The following ZNF892 variants were observed in gnomAD, a reference collection of about 807,000 sequenced individuals.
ZNF892 encodes zinc finger protein 892, also known as zinc finger protein 570-like.
chr2:95,221,932 C>G, the ZNF892 span, among the ~76,000 whole-genome samples: 7 of 152,264 alleles, frequency 4.6e-5, no homozygotes, highest in South Asian at 2.1e-4. Flanking sequence ...CTCCCTCCCT[C>G]TCTCTTCCTC....
chr2:95,231,758 AC>A, the ZNF892 span, among the ~76,000 whole-genome samples: 2 of 152,070 alleles, frequency 1.3e-5, no homozygotes, highest in Non-Finnish European at 2.9e-5. Context: ...CTTTGGTTTT[AC>A]TTTTTTTTAG....
chr2:95,238,112 A>G, the ZNF892 span, among the ~76,000 whole-genome samples: 7 of 152,270 alleles, frequency 4.6e-5, no homozygotes, highest in Non-Finnish European at 7.3e-5. Flanking sequence ...CAGATTTGCA[A>G]TGTAGACAAA....
chr2:95,207,200 C>G, the ZNF892 span, among the ~76,000 whole-genome samples: 5 of 152,220 alleles, frequency 3.3e-5, no homozygotes, highest in South Asian at 2.1e-4. Flanking sequence ...GCCTCCCCTC[C>G]GATGGAGCAC....
At chr2:95,235,663 A>C in the ZNF892 span, among the ~76,000 whole-genome samples, 1,872 of 152,304 alleles carry the variant, frequency 0.012, 126 homozygotes, top group Admixed American at 0.11. Context: ...GCCCGGCCCC[A>C]GTAAACTTTC....
At chr2:95,241,441 A>C in the ZNF892 span, among the ~76,000 whole-genome samples, 1 of 152,208 alleles carries the variant, frequency 6.6e-6, no homozygotes, top group Non-Finnish European at 1.5e-5. Flanking sequence ...AAACAAACAG[A>C]AAACAAAACA....
chr2:95,209,210 A>T, the ZNF892 span, among the ~76,000 whole-genome samples: 1 of 152,040 alleles, frequency 6.6e-6, no homozygotes, highest in African/African-American at 2.4e-5. Context: ...GGGTAGTTGG[A>T]GGGTAGAATA....
At chr2:95,254,435 T>C in the ZNF892 span, among the ~76,000 whole-genome samples, 1 of 152,206 alleles carries the variant, frequency 6.6e-6, no homozygotes, top group Non-Finnish European at 1.5e-5. Flanking sequence ...TGAAGCCCAC[T>C]TGATCATGGT....
chr2:95,226,806 G>T, the ZNF892 span, among the ~76,000 whole-genome samples: 110 of 151,996 alleles, frequency 7.2e-4, 1 homozygote, highest in African/African-American at 2.6e-3. Context: ...TTAGTGGTTA[G>T]ATGCATTTTC....
chr2:95,206,523 A>C, the ZNF892 span, among the ~76,000 whole-genome samples: 1 of 152,210 alleles, frequency 6.6e-6, no homozygotes, highest in Non-Finnish European at 1.5e-5. Context: ...AAAATCAAAA[A>C]ACAAATGGTT....
chr2:95,216,761 C>T, the ZNF892 span, among the ~76,000 whole-genome samples: 1 of 152,114 alleles, frequency 6.6e-6, no homozygotes, highest in Non-Finnish European at 1.5e-5. Flanking sequence ...CTTAGCTCTT[C>T]AATCTGTAGG....
the ZNF892 span, among the ~76,000 whole-genome samples, chr2:95,257,308 G>C: frequency 8.7e-4 from 133 of 152,200 alleles, no homozygotes; most frequent in Non-Finnish European, 1.1e-3. Context: ...CTCAGCTGCA[G>C]GTCTGTTGGA....
At chr2:95,207,135 T>G in the ZNF892 span, among the ~76,000 whole-genome samples, 1 of 152,188 alleles carries the variant, frequency 6.6e-6, no homozygotes, top group African/African-American at 2.4e-5. Context: ...ATCACCTCTG[T>G]GTTGGCCACG....
the ZNF892 span, among the ~76,000 whole-genome samples, chr2:95,209,500 G>A: frequency 3.0e-4 from 45 of 152,308 alleles, no homozygotes; most frequent in African/African-American, 1.1e-3. Context: ...TAGTAAAGAT[G>A]CTTCTGTAAG....
chr2:95,217,620 A>T, the ZNF892 span, among the ~76,000 whole-genome samples: 3 of 152,342 alleles, frequency 2.0e-5, no homozygotes, highest in Non-Finnish European at 4.4e-5. Context: ...CCCATTCCAC[A>T]GGGGGAGAAA....
chr2:95,252,989 C>A, the ZNF892 span, among the ~76,000 whole-genome samples: 1 of 152,102 alleles, frequency 6.6e-6, no homozygotes, highest in Admixed American at 6.6e-5. Context: ...GATATTAGCC[C>A]TTTGTCAGAT....
the ZNF892 span, among the ~76,000 whole-genome samples, chr2:95,234,505 C>T: frequency 3.9e-5 from 6 of 152,192 alleles, no homozygotes; most frequent in Non-Finnish European, 8.8e-5. Flanking sequence ...GCTTCCCACT[C>T]GGTCTGTTAG....
At chr2:95,233,000 A>T in the ZNF892 span, among the ~76,000 whole-genome samples, 1 of 152,130 alleles carries the variant, frequency 6.6e-6, no homozygotes, top group Non-Finnish European at 1.5e-5. Flanking sequence ...TTGCCTCATT[A>T]TGTGGGATGT....
At chr2:95,257,137 A>G in the ZNF892 span, among the ~76,000 whole-genome samples, 1 of 152,128 alleles carries the variant, frequency 6.6e-6, no homozygotes, top group African/African-American at 2.4e-5. Context: ...CCTTTGGAGG[A>G]GGAGAGGCGC....
chr2:95,217,800 G>A, the ZNF892 span, among the ~76,000 whole-genome samples: 1 of 152,152 alleles, frequency 6.6e-6, no homozygotes, highest in African/African-American at 2.4e-5. Context: ...CTGCCAGGTA[G>A]CCCCTCTCCT....
Sources: allele counts gnomAD v4.1 joint callset (sites outside exome capture counted in the v4.1 genomes callset), GRCh38; gene constraint gnomAD v4.1.1; transcripts MANE v1.5; gene names NCBI Gene and HGNC (gene_info 2026-07-23, HGNC 2026-07-21).